Variants in SLC5A10 observed in about 807,000 individuals in gnomAD.
SLC5A10 encodes solute carrier family 5 member 10.
A neutral mutation model predicts 68.9 loss-of-function variants in SLC5A10; 55 were observed. The observed-to-expected ratio is 0.80, with a 90% CI of 0.64 to 1.00. The LOEUF (loss-of-function observed/expected upper bound fraction) is 1.00, where lower values mean the gene tolerates loss of function less well. SLC5A10 is among the 50% of genes least tolerant of loss of function. SLC5A10 has a pLI of 0.00. For synonymous variants in SLC5A10, 344 were observed against 344.8 expected (o/e 1.00, Z 0.02); for missense variants, 732 against 819.3 (o/e 0.89, Z 1.30).
chr17:18,979,271 C>A, intron 9 of SLC5A10: 1 of 502,654 alleles, frequency 2.0e-6, no homozygotes, highest in Non-Finnish European at 3.6e-6. Context: ...AAGGACGGCT[C>A]TCAGAGTGAC....
chr17:18,985,952 CTT>C (rs1246573269), intron 9 of SLC5A10, among the ~76,000 whole-genome samples: 3 of 152,234 alleles, frequency 2.0e-5, no homozygotes, highest in Non-Finnish European at 2.9e-5. Flanking sequence ...AGCTGTATAA[CTT>C]TCCTCAGCAC....
rs761521609 is a variant in SLC5A10 at position 18,971,326 on chromosome 17, T to G, written c.846+108T>G. 11 of 1,606,698 alleles carry G rather than the reference T, an allele frequency of 6.8e-6. No homozygotes were observed. Among genetic ancestry groups the G allele is most frequent in the Non-Finnish European group, 9.4e-6 (11 of 1,175,334 alleles). On this transcript the variant is annotated intron_variant, in intron 8 of 14. Coordinates refer to ENST00000395645, the MANE Select transcript of SLC5A10 (RefSeq NM_001042450.4). This position sits in a 1 kb window ranked among gnomAD's most constrained non-coding sequence, Gnocchi z 5.5. The stretch of plus-strand genomic sequence containing the variant: ...CGCGTCATGAGTCTGGGCTGGGGCC[T>G]CAGAAGGTGTGGCTCCAGGCTGGGA...
At chr17:18,965,803 G>T (rs1354380778) in intron 5 of SLC5A10, among the ~76,000 whole-genome samples, 1 of 152,210 alleles carries the variant, frequency 6.6e-6, no homozygotes, top group Non-Finnish European at 1.5e-5. Context: ...CCCCTGCCAT[G>T]AGTTTCCTCC....
rs2152143819 is a variant in SLC5A10 at position 19,004,134 on chromosome 17, C to G, written c.983-9276C>G. On this transcript the variant is annotated intron_variant, in intron 9 of 14. Transcript: ENST00000395645. This position sits in a 1 kb window ranked among gnomAD's most constrained non-coding sequence, Gnocchi z 5.4. ...GCTGGGGCACCGCGCGCTCGGGGGC[C>G]TCTCCGCGGCCTCTGCTTCTCTGCC... 1.5e-5 allele frequency: 19 copies of G among 1,256,172 alleles called. 1 individual carries two copies. The South Asian group carries it at 2.6e-4, about 18-fold the overall frequency. The allele number at this position is 1,256,172 out of a possible 1,614,324, so 77.8% of individuals were successfully genotyped here.
Position 18,971,471 on chromosome 17 carries a change from T to A in SLC5A10, c.846+253T>A, listed in dbSNP as rs754474365. 1 of 1,613,698 alleles carries A rather than the reference T, an allele frequency of 6.2e-7. No individual in the cohort carries two copies. The highest frequency in any genetic ancestry group is 8.5e-7 in the Non-Finnish European group (1 of 1,179,974). Reference sequence around the variant, plus strand: ...GTGCTTCGACTGAGACAGTTTGGAGTATGGGATTCCGAAGGGACTCGGATG... The same window carrying A: ...GTGCTTCGACTGAGACAGTTTGGAGAATGGGATTCCGAAGGGACTCGGATG... On this transcript the variant is annotated intron_variant, in intron 8 of 14. Transcript: ENST00000395645. This position sits in a 1 kb window ranked among gnomAD's most constrained non-coding sequence, Gnocchi z 5.5.
chr17:18,980,727 C>T (rs948372903), intron 9 of SLC5A10, among the ~76,000 whole-genome samples: 1 of 152,088 alleles, frequency 6.6e-6, no homozygotes, highest in Non-Finnish European at 1.5e-5. Flanking sequence ...AAGGGCATCC[C>T]GAAGTAGAAT....
intron 13 of SLC5A10, 73 bp downstream of exon 13, chr17:19,020,001 A>C: frequency 6.7e-7 from 1 of 1,484,576 alleles, no homozygotes; most frequent in Admixed American, 2.0e-5. Context: ...TCCCCGACCC[A>C]CTCTGACTCA....
chr17:19,001,184 C>T (rs1024746040), intron 9 of SLC5A10, among the ~76,000 whole-genome samples: 1 of 152,234 alleles, frequency 6.6e-6, no homozygotes, highest in African/African-American at 2.4e-5. Context: ...TTATCCCTGC[C>T]CACACATGCC....
chr17:18,969,154 G>A lies in SLC5A10; in HGVS notation c.556G>A (p.Ala186Thr), dbSNP rs368967767. The A allele has an allele frequency of 9.3e-6, 15 of 1,613,552 alleles. No homozygotes were observed. The highest frequency in any genetic ancestry group is 4.0e-5 in the African/African-American group (3 of 75,036). ...TLGITALYTI[A>T]GGLAAVIYTD... is the part of the protein sequence containing the mutation. The stretch of plus-strand genomic sequence containing the variant: ...CGGCATCACAGCCCTGTACACCATC[G>A]CAGGTATGGTGCCTGCAGCAGGGAG... Residue 186 changes from alanine (A) to threonine (T), a missense_variant, in exon 6 of 15, where the codon GCA becomes ACA. By Grantham distance (58) the Ala-to-Thr change is moderately conservative. Transcript: ENST00000395645.
At chr17:18,963,973 G>T (rs544384886) in intron 5 of SLC5A10, among the ~76,000 whole-genome samples, 1 of 152,170 alleles carries the variant, frequency 6.6e-6, no homozygotes, top group Non-Finnish European at 1.5e-5. Context: ...TGGCCTCTGC[G>T]CTTCCATGAA....
chr17:18,956,606 A>G (rs1271468526), intron 1 of SLC5A10, among the ~76,000 whole-genome samples: 3 of 151,468 alleles, frequency 2.0e-5, no homozygotes, highest in Non-Finnish European at 4.4e-5. Context: ...ACTCTAGAGT[A>G]GCTGGGATTA....
chr17:18,999,640 C>G (rs1374164074), intron 9 of SLC5A10, among the ~76,000 whole-genome samples: 2 of 152,252 alleles, frequency 1.3e-5, no homozygotes, highest in Non-Finnish European at 2.9e-5. Flanking sequence ...CCTCATTAAG[C>G]TGCTTCTATT....
intron 1 of SLC5A10, among the ~76,000 whole-genome samples, chr17:18,956,499 CAG>C (rs1597811166): frequency 1.7e-5 from 2 of 115,016 alleles, no homozygotes; most frequent in South Asian, 3.0e-4. Flanking sequence ...TGTTTTGAGA[CAG>C]AGTCTTGCTC....
rs1395194209 is a variant in SLC5A10 at position 19,019,889 on chromosome 17, G to A, written c.1587G>A (p.Val529=). 6.2e-7 allele frequency: 1 copy of A among 1,611,578 alleles called. No individual in the cohort carries two copies. Among genetic ancestry groups the A allele is most frequent in the Non-Finnish European group, 8.5e-7 (1 of 1,179,416 alleles). ...ALFALSGAVV[V]AGSLLTPPPQ... ...TTGCACTCAGTGGTGCTGTTGTGGTGGCTGGAAGCCTGCTGACCCCACCCC... is the reference window on the plus strand; with the variant it reads ...TTGCACTCAGTGGTGCTGTTGTGGTAGCTGGAAGCCTGCTGACCCCACCCC... Residue 529 remains valine, a synonymous_variant, in exon 13 of 15, where the codon GTG becomes GTA. Coordinates refer to ENST00000395645, the MANE Select transcript of SLC5A10 (RefSeq NM_001042450.4).
Position 19,013,444 on chromosome 17 carries a change from G to A in SLC5A10, c.1017G>A (p.Leu339=). 1 of 1,605,724 alleles carries A rather than the reference G, an allele frequency of 6.2e-7. No individual in the cohort carries two copies. Among genetic ancestry groups the A allele is most frequent in the South Asian group, 1.1e-5 (1 of 90,166 alleles). ...DVGCVVPSEC[L]RACGAEVGCS... ...GCTGCGTGGTGCCGTCCGAGTGCCTGCGGGCCTGCGGGGCCGAGGTCGGCT... is the reference window on the plus strand; with the variant it reads ...GCTGCGTGGTGCCGTCCGAGTGCCTACGGGCCTGCGGGGCCGAGGTCGGCT... The change falls in exon 10 of 15, where the codon CTG becomes CTA. Residue 339 remains leucine, a synonymous_variant. Transcript: ENST00000395645.
chr17:18,978,453 C>A, intron 9 of SLC5A10: 2 of 1,605,986 alleles, frequency 1.2e-6, no homozygotes, highest in Non-Finnish European at 1.7e-6. Context: ...AACATGTTGG[C>A]CCTCTCCAGG....
chr17:18,952,706 G>T (rs750557964), intron 1 of SLC5A10, among the ~76,000 whole-genome samples: 22 of 151,924 alleles, frequency 1.4e-4, no homozygotes, highest in Non-Finnish European at 2.6e-4. Context: ...AGAGCTGCTG[G>T]ATCAGAATCC....
At chr17:19,011,365 G>A (rs1318050905) in intron 9 of SLC5A10, among the ~76,000 whole-genome samples, 2 of 152,204 alleles carry the variant, frequency 1.3e-5, no homozygotes, top group Non-Finnish European at 2.9e-5. Context: ...AGGCATGGAG[G>A]CGTCCAAGTG....
intron 7 of SLC5A10, 108 bp from the exon 8 acceptor site, chr17:18,970,905 A>C (rs2042824678): frequency 3.0e-6 from 3 of 1,012,336 alleles, no homozygotes; most frequent in East Asian, 2.5e-5. Context: ...GAAAAAACTC[A>C]AGTTTGATGC....
Sources: allele counts gnomAD v4.1 joint callset (sites outside exome capture counted in the v4.1 genomes callset), GRCh38; gene constraint gnomAD v4.1.1; non-coding constraint Gnocchi (gnomAD v3.1); transcripts MANE v1.5; gene names NCBI Gene and HGNC (gene_info 2026-07-23, HGNC 2026-07-21).